The following CRTC1 variants were observed in gnomAD, a reference collection of about 807,000 sequenced individuals.
CRTC1 encodes the protein CREB regulated transcription coactivator 1.
CRTC1 carries 18 observed loss-of-function variants against 66.1 expected under a neutral mutation model. That is an observed-to-expected ratio of 0.27 (90% confidence interval 0.19 to 0.40). The LOEUF is 0.40. CRTC1 is among the 10% of genes least tolerant of loss of function. CRTC1 has a pLI of 1.00. For synonymous variants in CRTC1, 416 were observed against 398.8 expected, an observed-to-expected ratio of 1.04 and a Z score of -0.51; for missense variants, 669 against 887.9, an observed-to-expected ratio of 0.75 and a Z score of 3.13.
At chr19:18,746,484 CT>C (rs1381562147) in intron 3 of CRTC1, among the ~76,000 whole-genome samples, 2,228 of 147,228 alleles carry the variant, frequency 0.015, 69 homozygotes, top group Middle Eastern at 0.034. Context: ...GAGTCCCCCC[CT>C]CCCCCCCAAC....
intron 1 of CRTC1, among the ~76,000 whole-genome samples, chr19:18,726,073 T>C (rs2053745408): frequency 6.6e-6 from 1 of 152,254 alleles, no homozygotes; most frequent in African/African-American, 2.4e-5. Flanking sequence ...TGGAACAGGC[T>C]CCAGCTCCTT....
chr19:18,759,900 TG>T (rs374360976), intron 7 of CRTC1, 107 bp from the exon 8 acceptor site: 1,056 of 874,202 alleles, frequency 1.2e-3, no homozygotes, highest in Non-Finnish European at 1.7e-3. Flanking sequence ...CGGCACCTGA[TG>T]GGGGGTGGCC....
intron 7 of CRTC1, 52 bp from the exon 8 acceptor site, chr19:18,759,956 G>GCCAGCTCCCTGTCCCCGCCA: frequency 3.3e-6 from 4 of 1,221,320 alleles, no homozygotes; most frequent in Non-Finnish European, 3.5e-6. Flanking sequence ...TGTCCCCGCC[G>GCCAGCTCCCTGTCCCCGCCA]CCAGCCCCGC....
chr19:18,762,470 C>G (rs949964896), intron 8 of CRTC1, among the ~76,000 whole-genome samples: 55 of 152,352 alleles, frequency 3.6e-4, no homozygotes, highest in Middle Eastern at 3.4e-3. Context: ...CAAGCCCACC[C>G]GCCAGTCAGA....
chr19:18,721,001 G>T (rs978588908), intron 1 of CRTC1, among the ~76,000 whole-genome samples: 2 of 152,088 alleles, frequency 1.3e-5, no homozygotes, highest in Non-Finnish European at 2.9e-5. Flanking sequence ...TGTCGGCAGG[G>T]CTGGTGCCTG....
intron 12 of CRTC1, 91 bp downstream of exon 12, chr19:18,775,077 C>A: frequency 7.7e-7 from 1 of 1,294,498 alleles, no homozygotes; most frequent in South Asian, 1.2e-5. Flanking sequence ...CGAGTCAGAG[C>A]TGCACGTGCT....
intron 1 of CRTC1, among the ~76,000 whole-genome samples, chr19:18,701,767 A>G (rs942484744): frequency 2.7e-5 from 4 of 148,884 alleles, no homozygotes; most frequent in African/African-American, 7.5e-5. Flanking sequence ...CACCAGGCCC[A>G]GCTAATGTTT....
chr19:18,723,882 C>T (rs2053683642), intron 1 of CRTC1, among the ~76,000 whole-genome samples: 2 of 152,210 alleles, frequency 1.3e-5, no homozygotes, highest in South Asian at 2.1e-4. Flanking sequence ...GGGCACATTG[C>T]ACACGCCACC....
intron 11 of CRTC1, among the ~76,000 whole-genome samples, chr19:18,772,429 T>C (rs951296988): frequency 2.6e-5 from 4 of 152,126 alleles, no homozygotes; most frequent in Admixed American, 1.3e-4. Flanking sequence ...GACCATCTCA[T>C]CCCTGAAATT....
rs950102231 is a variant in CRTC1, at chr19:18,741,997, A to T, written c.127-913A>T. On this transcript the variant is annotated intron_variant, in intron 1 of 13. Transcript: ENST00000321949. The surrounding 1 kb of genome is among the most constrained non-coding windows in gnomAD (Gnocchi z 4.2). Reference sequence around the variant, plus strand: ...CCCTAGCAACCGCCCCTGCCGGGCCAGAGTGGACAACCACCCCTCCTTCCT... The same window carrying T: ...CCCTAGCAACCGCCCCTGCCGGGCCTGAGTGGACAACCACCCCTCCTTCCT... Among the ~76,000 whole-genome samples, 8 of 152,100 alleles carry T rather than the reference A, an allele frequency of 5.3e-5. No individual in the cohort carries two copies. The highest frequency in any genetic ancestry group is 5.2e-4 in the Admixed American group (8 of 15,272).
intron 6 of CRTC1, among the ~76,000 whole-genome samples, chr19:18,758,741 C>T (rs2054548624): frequency 6.6e-6 from 1 of 152,236 alleles, no homozygotes; most frequent in Non-Finnish European, 1.5e-5. Flanking sequence ...CAGGTCCAAG[C>T]TTCCTGGGTC....
At chr19:18,715,905 G>A (rs968691183) in intron 1 of CRTC1, among the ~76,000 whole-genome samples, 2 of 152,210 alleles carry the variant, frequency 1.3e-5, no homozygotes, top group African/African-American at 4.8e-5. Flanking sequence ...TCCTGCCACT[G>A]CTTGTGGTTG....
At chr19:18,735,625 C>T (rs960286586) in intron 1 of CRTC1, 3 of 152,312 alleles carry the variant, frequency 2.0e-5, no homozygotes, top group African/African-American at 4.8e-5. Flanking sequence ...GGGGAAGAGT[C>T]CTGCTCTGGC....
Position 18,745,858 on chromosome 19 carries a change from G to C in CRTC1, c.279G>C (p.Arg93=). The C allele has an allele frequency of 6.2e-7, 1 of 1,613,770 alleles. No homozygotes were observed. Among genetic ancestry groups the C allele is most frequent in the Non-Finnish European group, 8.5e-7 (1 of 1,179,954 alleles). ...AATCCTCGGGCCTGGACACCAGCCG[G>C]ACCACCCGGCACCATGGGCTGGTGG... is the stretch of plus-strand genomic sequence containing the variant. ...PFQSSGLDTS[R]TTRHHGLVDR... The change falls in exon 3 of 14, where the codon CGG becomes CGC. Residue 93 remains arginine, a synonymous_variant. Transcript: ENST00000321949.
chr19:18,726,043 C>T (rs1052877568), intron 1 of CRTC1, among the ~76,000 whole-genome samples: 1 of 152,248 alleles, frequency 6.6e-6, no homozygotes, highest in African/African-American at 2.4e-5. Context: ...TCGATCTTCT[C>T]TGGAGTTGAG....
At chr19:18,691,292 G>A (rs971193857) in intron 1 of CRTC1, among the ~76,000 whole-genome samples, 9 of 151,768 alleles carry the variant, frequency 5.9e-5, no homozygotes, top group African/African-American at 9.7e-5. Flanking sequence ...GAGATGGGAC[G>A]ATAACTTGAA....
At chr19:18,719,769 G>A (rs2053582512) in intron 1 of CRTC1, among the ~76,000 whole-genome samples, 1 of 152,234 alleles carries the variant, frequency 6.6e-6, no homozygotes, top group Non-Finnish European at 1.5e-5. Flanking sequence ...GCGGGCGGCT[G>A]ACCCGGGGCG....
intron 1 of CRTC1, among the ~76,000 whole-genome samples, chr19:18,735,157 A>G (rs557748831): frequency 6.6e-6 from 1 of 152,320 alleles, no homozygotes; most frequent in South Asian, 2.1e-4. Context: ...TATGTCCACA[A>G]GTCAGGGGCA....
At chr19:18,702,361 A>G (rs2053164387) in intron 1 of CRTC1, among the ~76,000 whole-genome samples, 1 of 151,682 alleles carries the variant, frequency 6.6e-6, no homozygotes, top group South Asian at 2.1e-4. Flanking sequence ...CTGAGACCAT[A>G]GGTGTGTACC....
Sources: allele counts gnomAD v4.1 joint callset (sites outside exome capture counted in the v4.1 genomes callset), GRCh38; gene constraint gnomAD v4.1.1; non-coding constraint Gnocchi (gnomAD v3.1); transcripts MANE v1.5; gene names NCBI Gene and HGNC (gene_info 2026-07-23, HGNC 2026-07-21).